The following AP3B2 variants were observed in gnomAD, a reference collection of about 807,000 sequenced individuals.
AP3B2 encodes AP-3 complex subunit beta-2.
In AP3B2, 50 loss-of-function variants were observed where a neutral mutation model predicts 126.9. The observed-to-expected ratio is 0.39, with a 90% CI of 0.31 to 0.50. The LOEUF is 0.50. Ranked by LOEUF, AP3B2 falls within the 20% of genes least tolerant of loss-of-function variation. The pLI, the probability that AP3B2 is intolerant of heterozygous loss-of-function variation, is 0.79. For missense variants in AP3B2, 1,177 were observed against 1,426.4 expected (o/e 0.83, Z 2.82); for synonymous variants, 541 against 565.0 (o/e 0.96, Z 0.60).
At chr15:82,685,381 T>C (rs980262767) in intron 4 of AP3B2, 3 of 152,234 alleles carry the variant, frequency 2.0e-5, no homozygotes, top group African/African-American at 7.2e-5. Flanking sequence ...GTGCCTGTAC[T>C]ATTACTCTTA....
intron 4 of AP3B2, among the ~76,000 whole-genome samples, chr15:82,684,668 C>A (rs1220445977): frequency 1.3e-5 from 2 of 152,192 alleles, no homozygotes; most frequent in Non-Finnish European, 2.9e-5. Flanking sequence ...GTGCGTACCA[C>A]CACATCAGGC....
Position 82,689,205 on chromosome 15 carries a change from C to G in AP3B2, c.217G>C (p.Asp73His), listed in dbSNP as rs1567270242. ...TTCTTCACCACCGCGGGAAACAGGT[C>G]TGAAGCATTCTTTCCTCGGGCAATC... The part of the protein sequence containing the change: ...AMIARGKNAS[D>H]LFPAVVKNVA... Residue 73 changes from aspartate to histidine, a missense_variant, in exon 3 of 27, where the codon GAC (aspartate) becomes CAC (histidine). Around this residue, in one of 5 missense-constraint regions of AP3B2, gnomAD observed 130 missense variants for 262.0 expected, o/e 0.50. Coordinates refer to ENST00000535359, the MANE Select transcript of AP3B2 (RefSeq NM_001278512.2). 2 of 1,613,942 alleles carry G rather than the reference C, an allele frequency of 1.2e-6. No individual in the cohort carries two copies. The highest frequency in any genetic ancestry group is 1.1e-5 in the South Asian group (1 of 91,070).
chr15:82,699,846 G>A (rs1212577475), intron 1 of AP3B2: 10 of 399,688 alleles, frequency 2.5e-5, no homozygotes, highest in Middle Eastern at 6.3e-4. Context: ...GCCTCACCAC[G>A]GCCCCCGGGA....
At position 82,680,665 on chromosome 15, in the gene AP3B2, C is replaced by T. The variant is rs769426601; in HGVS notation, c.862G>A (p.Ala288Thr). Residue 288 changes from alanine to threonine, a missense_variant, in exon 8 of 27, where the codon GCG (alanine) becomes ACG (threonine). Around this residue, in one of 5 missense-constraint regions of AP3B2, gnomAD observed 103 missense variants for 101.4 expected, o/e 1.02. Coordinates refer to ENST00000535359, the MANE Select transcript of AP3B2 (RefSeq NM_001278512.2). The surrounding 1 kb of genome is among the most constrained non-coding windows in gnomAD (Gnocchi z 6.1). ...KGAGSEETAA[A>T]AAPSRKPYVM... ...TAGGGCTTTCGGGAGGGGGCGGCCG[C>T]GGCGGCCGTCTCCTCAGACCCCGCG... 6.3e-7 allele frequency: 1 copy of T among 1,579,788 alleles called. No homozygotes were observed. The highest frequency in any genetic ancestry group is 1.1e-5 in the South Asian group (1 of 88,974).
chr15:82,699,712 T>G (rs940592793), intron 1 of AP3B2: 15 of 399,652 alleles, frequency 3.8e-5, no homozygotes, highest in African/African-American at 3.1e-4. Context: ...GTCTTCCTCC[T>G]GGGCCTGCAG....
intron 1 of AP3B2, among the ~76,000 whole-genome samples, chr15:82,703,112 G>A (rs537000752): frequency 6.6e-6 from 1 of 152,234 alleles, no homozygotes; most frequent in African/African-American, 2.4e-5. Flanking sequence ...ACGGACTCAG[G>A]AAGACAGTCT....
intron 1 of AP3B2, chr15:82,699,499 G>A: frequency 2.5e-6 from 1 of 398,264 alleles, no homozygotes; most frequent in Middle Eastern, 6.3e-4. Context: ...TCTCCGCCCA[G>A]CCTGGACCCT....
At position 82,659,471 on chromosome 15, in the gene AP3B2, A is replaced by AT; in HGVS notation, c.*88_*89insA. 1.5e-6 allele frequency: 2 copies of AT among 1,321,668 alleles called. No homozygotes were observed. The highest frequency in any genetic ancestry group is 1.0e-6 in the Non-Finnish European group (1 of 957,598). The allele number at this position is 1,321,668 out of a possible 1,614,324, so 81.9% of individuals were successfully genotyped here. On this transcript the variant is annotated 3_prime_UTR_variant, in exon 27 of 27. Transcript: ENST00000535359. The stretch of plus-strand genomic sequence containing the variant: ...GCTATCTGGCATGAGGAGGATGATG[A>AT]GAGAGAGAGAGAAAGATGAGAGAGA...
At chr15:82,686,444 C>T (rs1396651277) in intron 4 of AP3B2, 4 of 152,140 alleles carry the variant, frequency 2.6e-5, no homozygotes, top group Admixed American at 2.6e-4. Context: ...ACGATGACAC[C>T]ATTTACAAAA....
At chr15:82,702,197 C>T (rs140773561) in intron 1 of AP3B2, among the ~76,000 whole-genome samples, 1 of 152,280 alleles carries the variant, frequency 6.6e-6, no homozygotes, top group East Asian at 1.9e-4. Flanking sequence ...GAACCCAAAT[C>T]GTAATATCCA....
In AP3B2 at chr15:82,665,642, GGT is replaced by G; in HGVS notation, c.1853-69_1853-68del. On this transcript the variant is annotated intron_variant, in intron 15 of 26. Transcript: ENST00000535359. The surrounding 1 kb of genome is among the most constrained non-coding windows in gnomAD (Gnocchi z 4.4). Reference sequence around the variant, plus strand: ...GGAAAGCTCTGGGAGCTGTTTTCCAGGTGGGGCTGGGTGGTGATTCTGGTTGG... The same window carrying G: ...GGAAAGCTCTGGGAGCTGTTTTCCAGGGGGCTGGGTGGTGATTCTGGTTGG... 7.8e-7 allele frequency: 1 copy of G among 1,286,988 alleles called. No homozygotes were observed. Among genetic ancestry groups the G allele is most frequent in the Non-Finnish European group, 1.1e-6 (1 of 896,366 alleles). The allele number at this position is 1,286,988 out of a possible 1,614,324, so 79.7% of individuals were successfully genotyped here.
At chr15:82,672,158 C>T (rs962773167) in intron 14 of AP3B2, among the ~76,000 whole-genome samples, 3 of 152,162 alleles carry the variant, frequency 2.0e-5, no homozygotes, top group Admixed American at 6.5e-5. Context: ...TGCACACCTA[C>T]GTTTATTGCA....
chr15:82,686,748 A>C (rs887641332), intron 4 of AP3B2: 3 of 147,016 alleles, frequency 2.0e-5, no homozygotes, highest in Non-Finnish European at 4.5e-5. Flanking sequence ...TTTGAGATGG[A>C]TCTCACACTG....
In AP3B2 at chr15:82,666,907, C is replaced by T. The variant is rs2151431180; in HGVS notation, c.1692G>A (p.Leu564=). Residue 564 remains leucine (L), a synonymous_variant, in exon 15 of 27, where the codon CTG becomes CTA. Transcript: ENST00000535359. The part of the protein sequence containing the change: ...KQTKLLTQYV[L]SLAKYDQNYD... Reference sequence around the variant, plus strand: ...AGTTCTGGTCATATTTGGCCAGACTCAGCACATACTGGGTCAGCAGCTTGG... The same window carrying T: ...AGTTCTGGTCATATTTGGCCAGACTTAGCACATACTGGGTCAGCAGCTTGG... The T allele has an allele frequency of 6.2e-7, 1 of 1,613,564 alleles. No homozygotes were observed. The highest frequency in any genetic ancestry group is 8.5e-7 in the Non-Finnish European group (1 of 1,179,594).
intron 1 of AP3B2, among the ~76,000 whole-genome samples, chr15:82,704,567 A>C (rs1438948409): frequency 2.6e-5 from 4 of 152,358 alleles, no homozygotes; most frequent in Admixed American, 2.6e-4. Flanking sequence ...GAATGCCCAC[A>C]GCCCAGGATT....
In AP3B2 at chr15:82,680,245, G is replaced by A. The variant is rs746061434; in HGVS notation, c.1056-16C>T. On this transcript the variant is annotated splice_polypyrimidine_tract_variant and intron_variant, in intron 8 of 26. Transcript: ENST00000535359. The surrounding 1 kb of genome is among the most constrained non-coding windows in gnomAD (Gnocchi z 6.1). ...CTGCACCTCACTGCGGAGAGGACGGGTCAGAGCACCCCGGGCCCCTCGGTT... is the reference window on the plus strand; with the variant it reads ...CTGCACCTCACTGCGGAGAGGACGGATCAGAGCACCCCGGGCCCCTCGGTT... The A allele has an allele frequency of 2.5e-6, 4 of 1,613,440 alleles. No homozygotes were observed. The highest frequency in any genetic ancestry group is 1.7e-5 in the Admixed American group (1 of 60,004).
chr15:82,705,434 C>T (rs886506521), intron 1 of AP3B2, among the ~76,000 whole-genome samples: 3 of 152,168 alleles, frequency 2.0e-5, no homozygotes, highest in African/African-American at 4.8e-5. Flanking sequence ...TGGTGCCAAA[C>T]TCATATACTC....
chr15:82,677,029 G>T (rs1030742349), intron 13 of AP3B2, among the ~76,000 whole-genome samples: 6 of 152,116 alleles, frequency 3.9e-5, no homozygotes, highest in African/African-American at 1.4e-4. Flanking sequence ...ACCATGGTTG[G>T]CTAGAGCTTT....
At chr15:82,686,021 G>A (rs2048420888) in intron 4 of AP3B2, 1 of 152,214 alleles carries the variant, frequency 6.6e-6, no homozygotes, top group African/African-American at 2.4e-5. Context: ...TTTATTAACA[G>A]ATCAGTGTCA....
Sources: gnomAD v4.1 joint callset for allele counts (sites outside exome capture counted in the v4.1 genomes callset) on GRCh38, gnomAD v4.1.1 for gene constraint, gnomAD v4.1.1 regional missense constraint, Gnocchi (gnomAD v3.1) non-coding constraint, MANE v1.5 for transcripts, NCBI Gene and HGNC (gene_info 2026-07-23, HGNC 2026-07-21) for gene names.